Variants in PCDHA8 observed in about 807,000 individuals in gnomAD.
PCDHA8 encodes the protein protocadherin alpha-8.
Under a neutral mutation model 61.8 loss-of-function variants are expected in PCDHA8, and 53 were observed. The observed-to-expected ratio is 0.86, with a 90% CI of 0.69 to 1.08. The LOEUF (loss-of-function observed/expected upper bound fraction) is 1.08, where lower values mean the gene tolerates loss of function less well. PCDHA8 is among the 50% of genes least tolerant of loss of function. The pLI is 0.00. For synonymous variants in PCDHA8, 618 were observed against 556.6 expected (o/e 1.11, Z -1.55); for missense variants, 1,293 against 1,245.0 (o/e 1.04, Z -0.58).
chr5:140,855,992 T>C (rs2043714140), intron 1 of PCDHA8: 2 of 1,492,956 alleles, frequency 1.3e-6, no homozygotes, highest in Admixed American at 4.4e-5. Context: ...AAATGTCAGA[T>C]CGTATGTGCG....
At chr5:140,995,371 C>G (rs143381591) in intron 3 of PCDHA8, among the ~76,000 whole-genome samples, 3 of 152,120 alleles carry the variant, frequency 2.0e-5, no homozygotes, top group Admixed American at 1.3e-4. Flanking sequence ...GGATGATTCA[C>G]GTACTGGGCA....
chr5:140,911,509 A>G (rs1378667100), intron 1 of PCDHA8, among the ~76,000 whole-genome samples: 1 of 152,214 alleles, frequency 6.6e-6, no homozygotes, highest in Admixed American at 6.5e-5. Flanking sequence ...GAGGTTCAGT[A>G]TCTGCTTCTG....
intron 1 of PCDHA8, among the ~76,000 whole-genome samples, chr5:140,962,154 C>T (rs1447978704): frequency 3.9e-5 from 6 of 152,210 alleles, no homozygotes; most frequent in Admixed American, 1.3e-4. Context: ...GGATTACAGG[C>T]GTGAGCCACC....
intron 1 of PCDHA8, among the ~76,000 whole-genome samples, chr5:140,943,416 A>T (rs556948015): frequency 2.6e-5 from 4 of 152,286 alleles, no homozygotes; most frequent in African/African-American, 9.6e-5. Flanking sequence ...GACTAGAGGC[A>T]AGGGCTTTAA....
At chr5:141,009,602 T>G in intron 3 of PCDHA8, 25 bp from the exon 4 acceptor site, 1 of 1,608,136 alleles carries the variant, frequency 6.2e-7, no homozygotes, top group Non-Finnish European at 8.5e-7. Flanking sequence ...ACCCTGTTAA[T>G]GATTTGTAAT....
intron 1 of PCDHA8, chr5:140,926,329 A>G (rs1435633972): frequency 6.6e-6 from 1 of 152,150 alleles, no homozygotes; most frequent in Non-Finnish European, 1.5e-5. Flanking sequence ...CCGGGGTCAG[A>G]GCGCCGGGAC....
At chr5:140,876,935 C>G in intron 1 of PCDHA8, 1 of 1,613,746 alleles carries the variant, frequency 6.2e-7, no homozygotes, top group Non-Finnish European at 8.5e-7. Flanking sequence ...CAGAAGAACG[C>G]GCTGGTGTCC....
At chr5:140,845,856 G>A (rs1378548542) in intron 1 of PCDHA8, among the ~76,000 whole-genome samples, 1 of 149,684 alleles carries the variant, frequency 6.7e-6, no homozygotes, top group Non-Finnish European at 1.5e-5. Flanking sequence ...AGAAGTTAGT[G>A]ATTGCAGAAA....
intron 1 of PCDHA8, chr5:140,862,002 T>C (rs1430406580): frequency 6.4e-6 from 1 of 155,594 alleles, no homozygotes; most frequent in Non-Finnish European, 1.4e-5. Context: ...CACTGGTTAT[T>C]AGACTTAACC....
chr5:140,855,356 T>C (rs892931539), intron 1 of PCDHA8, among the ~76,000 whole-genome samples: 1 of 149,998 alleles, frequency 6.7e-6, no homozygotes, highest in African/African-American at 2.4e-5. Context: ...GTCATGTGGC[T>C]AGTGAGTAGG....
intron 1 of PCDHA8, among the ~76,000 whole-genome samples, chr5:140,943,423 T>C (rs782562871): frequency 5.3e-5 from 8 of 152,080 alleles, no homozygotes; most frequent in Non-Finnish European, 7.4e-5. Context: ...GGCAAGGGCT[T>C]TAATATGATA....
chr5:141,003,151 C>T (rs1554258934), intron 3 of PCDHA8, among the ~76,000 whole-genome samples: 2 of 152,224 alleles, frequency 1.3e-5, no homozygotes, highest in African/African-American at 2.4e-5. Flanking sequence ...AGACTCTGAC[C>T]TGATCAATCC....
At chr5:140,992,078 G>A (rs1179366244) in intron 3 of PCDHA8, among the ~76,000 whole-genome samples, 1 of 151,596 alleles carries the variant, frequency 6.6e-6, no homozygotes, top group African/African-American at 2.4e-5. Context: ...TAGAGAATGA[G>A]CTAGAGTAGA....
intron 1 of PCDHA8, among the ~76,000 whole-genome samples, chr5:140,879,327 A>G (rs2057945221): frequency 6.6e-6 from 1 of 152,232 alleles, no homozygotes; most frequent in South Asian, 2.1e-4. Context: ...TCACTTTTTT[A>G]GTTTGTTCAG....
At chr5:140,954,014 A>T (rs782347890) in intron 1 of PCDHA8, among the ~76,000 whole-genome samples, 1 of 152,038 alleles carries the variant, frequency 6.6e-6, no homozygotes, top group Non-Finnish European at 1.5e-5. Context: ...CAGCTCCCAC[A>T]CATAGTGGGA....
chr5:140,877,303 T>G, intron 1 of PCDHA8: 1 of 1,613,850 alleles, frequency 6.2e-7, no homozygotes, highest in South Asian at 1.1e-5. Flanking sequence ...GTCCTACGAG[T>G]TGCAACCGGC....
chr5:140,900,644 C>G (rs1554189317), intron 1 of PCDHA8, among the ~76,000 whole-genome samples: 1 of 152,180 alleles, frequency 6.6e-6, no homozygotes. Context: ...ATTGTGAACA[C>G]TGCTGCAATG....
chr5:140,980,762 T>C (rs1293384140), intron 2 of PCDHA8, among the ~76,000 whole-genome samples: 2 of 152,090 alleles, frequency 1.3e-5, no homozygotes, highest in Non-Finnish European at 2.9e-5. Context: ...AGAAATAAAA[T>C]AAAAATTGAA....
At chr5:140,926,938 G>C in intron 1 of PCDHA8, 1 of 1,581,492 alleles carries the variant, frequency 6.3e-7, no homozygotes. Context: ...GGTTTCCTGC[G>C]GCGCTGCAGC....
Sources: allele counts gnomAD v4.1 joint callset (sites outside exome capture counted in the v4.1 genomes callset), GRCh38; gene constraint gnomAD v4.1.1; transcripts MANE v1.5; gene names NCBI Gene and HGNC (gene_info 2026-07-23, HGNC 2026-07-21).